Variants in MUSK observed in about 807,000 individuals in gnomAD.
MUSK encodes muscle associated receptor tyrosine kinase, also known as muscle, skeletal receptor tyrosine-protein kinase.
Under a neutral mutation model 88.7 loss-of-function variants are expected in MUSK, and 55 were observed. The observed-to-expected ratio is 0.62, with a 90% CI of 0.50 to 0.78. The LOEUF is 0.78. Ranked by LOEUF, MUSK falls within the 30% of genes least tolerant of loss-of-function variation. MUSK has a pLI of 0.00. For synonymous variants in MUSK, 387 were observed against 391.9 expected (o/e 0.99, Z 0.15); for missense variants, 1,015 against 1,074.3 (o/e 0.94, Z 0.77).
rs1329919649 is a variant in MUSK at position 110,803,766 on chromosome 9, T to A, written c.*2778T>A. 1.3e-5 allele frequency among the ~76,000 whole-genome samples: 2 copies of A among 152,256 alleles called. No individual in the cohort carries two copies. The highest frequency in any genetic ancestry group is 4.8e-5 in the African/African-American group (2 of 41,464). ...ACTGACTTATTCCCTAAGTGCTCGA[T>A]CTAATGTTCTGAATCACAGGAGTAT... On this transcript the variant is annotated 3_prime_UTR_variant, in exon 15 of 15. Transcript: ENST00000374448.
intron 3 of MUSK, among the ~76,000 whole-genome samples, chr9:110,689,284 T>C (rs1288035779): frequency 8.5e-6 from 1 of 118,090 alleles, no homozygotes; most frequent in South Asian, 2.5e-4. Context: ...TATTTATATA[T>C]AAATATATAG....
At chr9:110,753,687 G>T (rs570727723) in intron 7 of MUSK, among the ~76,000 whole-genome samples, 28 of 152,088 alleles carry the variant, frequency 1.8e-4, no homozygotes, top group Admixed American at 7.2e-4. Context: ...CGACCTCAGG[G>T]TCTAAGCCTT....
chr9:110,679,189 G>A (rs1587883219), intron 1 of MUSK, among the ~76,000 whole-genome samples: 1 of 151,784 alleles, frequency 6.6e-6, no homozygotes, highest in East Asian at 1.9e-4. Context: ...ATCTCTTAAA[G>A]GGTTACACTA....
chr9:110,677,887 T>C (rs1445522908), intron 1 of MUSK, among the ~76,000 whole-genome samples: 3 of 152,236 alleles, frequency 2.0e-5, no homozygotes, highest in African/African-American at 4.8e-5. Flanking sequence ...ACTATGACTA[T>C]AGTAAATCCT....
chr9:110,725,712 C>T (rs1406054550), intron 5 of MUSK, among the ~76,000 whole-genome samples: 1 of 151,912 alleles, frequency 6.6e-6, no homozygotes, highest in African/African-American at 2.4e-5. Flanking sequence ...AAAGCAGCAA[C>T]AAAAGTCTGA....
At chr9:110,755,877 T>C (rs994091864) in intron 7 of MUSK, among the ~76,000 whole-genome samples, 1 of 147,922 alleles carries the variant, frequency 6.8e-6, no homozygotes, top group Admixed American at 6.9e-5. Context: ...TGACTAATAA[T>C]AATAATGTTA....
At chr9:110,759,872 C>T (rs1457531160) in intron 7 of MUSK, among the ~76,000 whole-genome samples, 2 of 152,076 alleles carry the variant, frequency 1.3e-5, no homozygotes, top group African/African-American at 2.4e-5. Flanking sequence ...CTCGTCTCTA[C>T]TAGAAATCCA....
At chr9:110,678,237 A>G (rs943261680) in intron 1 of MUSK, among the ~76,000 whole-genome samples, 1 of 151,982 alleles carries the variant, frequency 6.6e-6, no homozygotes, top group African/African-American at 2.4e-5. Flanking sequence ...TCAGGCTCCC[A>G]AGTAGCTGGG....
At chr9:110,797,633 A>C (rs1282285775) in intron 14 of MUSK, among the ~76,000 whole-genome samples, 1 of 152,202 alleles carries the variant, frequency 6.6e-6, no homozygotes, top group Non-Finnish European at 1.5e-5. Flanking sequence ...TCAATAAATG[A>C]ATAAACGATA....
intron 3 of MUSK, among the ~76,000 whole-genome samples, chr9:110,690,925 C>T (rs1036406612): frequency 2.0e-5 from 3 of 147,152 alleles, no homozygotes; most frequent in Admixed American, 7.1e-5. Context: ...AGTGCAGTGG[C>T]ATGATCATGG....
chr9:110,698,790 A>G (rs1374656095), intron 5 of MUSK, among the ~76,000 whole-genome samples: 2 of 152,170 alleles, frequency 1.3e-5, no homozygotes, highest in African/African-American at 4.8e-5. Context: ...AATCAGTGCT[A>G]TTTGAAGCTC....
At chr9:110,678,781 G>A (rs1270034575) in intron 1 of MUSK, among the ~76,000 whole-genome samples, 1 of 151,766 alleles carries the variant, frequency 6.6e-6, no homozygotes, top group Non-Finnish European at 1.5e-5. Flanking sequence ...CATCTATCAG[G>A]GCTTACAGTT....
intron 4 of MUSK, among the ~76,000 whole-genome samples, 181 bp downstream of exon 4, chr9:110,695,711 G>A (rs560967496): frequency 3.3e-5 from 5 of 152,110 alleles, no homozygotes; most frequent in African/African-American, 1.2e-4. Flanking sequence ...ATTTGGGTCT[G>A]GCTAGGGAAA....
chr9:110,800,888 T>C lies in MUSK; in HGVS notation c.2510T>C (p.Leu837Pro). 1 of 1,565,984 alleles carries C rather than the reference T, an allele frequency of 6.4e-7. No individual in the cohort carries two copies. ...GTGGAGCTGTACAATCTCATGCGTC[T>C]ATGTTGGAGCAAGCTGCCTGCAGAC... is the stretch of plus-strand genomic sequence containing the variant. The part of the protein sequence containing the change: ...CPVELYNLMR[L>P]CWSKLPADRP... The change falls in exon 15 of 15, where the codon CTA (leucine) becomes CCA (proline). Residue 837 changes from leucine (L) to proline (P), a missense_variant. Coordinates refer to ENST00000374448, the MANE Select transcript of MUSK (RefSeq NM_005592.4).
chr9:110,748,879 G>T (rs1379279470), intron 7 of MUSK, among the ~76,000 whole-genome samples: 1 of 152,116 alleles, frequency 6.6e-6, no homozygotes, highest in Non-Finnish European at 1.5e-5. Flanking sequence ...CAAAATTAAG[G>T]TTCCCTCTCC....
rs1000221573 is a variant in MUSK, at chr9:110,806,144, T to C, written c.*5156T>C. Among the ~76,000 whole-genome samples, 1 of 152,178 alleles carries C rather than the reference T, an allele frequency of 6.6e-6. No individual in the cohort carries two copies. The highest frequency in any genetic ancestry group is 2.4e-5 in the African/African-American group (1 of 41,456). Reference sequence around the variant, plus strand: ...TGTTAGTTCTTCTGGTGATTACCAGTGCAATTCTAACAAATAGGTTTGCAT... The same window carrying C: ...TGTTAGTTCTTCTGGTGATTACCAGCGCAATTCTAACAAATAGGTTTGCAT... On this transcript the variant is annotated 3_prime_UTR_variant, in exon 15 of 15. Transcript: ENST00000374448.
At chr9:110,752,503 C>T (rs769998732) in intron 7 of MUSK, among the ~76,000 whole-genome samples, 3 of 152,226 alleles carry the variant, frequency 2.0e-5, no homozygotes, top group Non-Finnish European at 2.9e-5. Context: ...TCAGACATGG[C>T]GCCTCTTTTG....
At position 110,681,730 on chromosome 9, in the gene MUSK, A is replaced by T. The variant is rs185666536; in HGVS notation, c.80-944A>T. Among the ~76,000 whole-genome samples the T allele has an allele frequency of 3.0e-3, 451 of 152,084 alleles. 3 individuals are homozygous for T. Among genetic ancestry groups the T allele is most frequent in the African/African-American group, 0.011 (436 of 41,516 alleles). ...TGAGCTTGCCTTTGACTTTACCAAA[A>T]AATAATAATAATAATAAGGTTTATT... On this transcript the variant is annotated intron_variant, in intron 1 of 14. Coordinates refer to ENST00000374448, the MANE Select transcript of MUSK (RefSeq NM_005592.4).
chr9:110,673,324 T>C (rs1224006996), intron 1 of MUSK, among the ~76,000 whole-genome samples: 1 of 152,210 alleles, frequency 6.6e-6, no homozygotes, highest in Non-Finnish European at 1.5e-5. Flanking sequence ...TCACTTCCTA[T>C]TTTTGTGATA....
Sources: allele counts gnomAD v4.1 joint callset (sites outside exome capture counted in the v4.1 genomes callset), GRCh38; gene constraint gnomAD v4.1.1; transcripts MANE v1.5; gene names NCBI Gene and HGNC (gene_info 2026-07-23, HGNC 2026-07-21).